CENPL: variants seen among roughly 807,000 people sequenced by gnomAD.
The protein encoded by CENPL is interphase centromere complex protein 33.
Under a neutral mutation model 35.2 loss-of-function variants are expected in CENPL, and 20 were observed. The observed-to-expected ratio is 0.57, with a 90% CI of 0.40 to 0.83. The LOEUF (loss-of-function observed/expected upper bound fraction) is 0.83. CENPL is among the 40% of genes least tolerant of loss of function. The probability of loss-of-function intolerance (pLI) is 0.00; values close to 1 mark genes in which losing one functional copy is unlikely to be tolerated. For synonymous variants in CENPL, 140 were observed against 140.6 expected (o/e 1.00, Z 0.03); for missense variants, 363 against 395.8 (o/e 0.92, Z 0.70).
chr1:173,801,736 C>T (rs1289816009), intron 5 of CENPL, among the ~76,000 whole-genome samples: 2 of 152,162 alleles, frequency 1.3e-5, no homozygotes, highest in South Asian at 2.1e-4. Flanking sequence ...AGGAGAATCA[C>T]TTAAACCCAG....
chr1:173,801,862 A>G (rs1649779385), intron 5 of CENPL, among the ~76,000 whole-genome samples: 1 of 151,786 alleles, frequency 6.6e-6, no homozygotes, highest in Non-Finnish European at 1.5e-5. Flanking sequence ...AAAAAAAGTA[A>G]AATTACAAAA....
rs556977966 is a variant in CENPL at position 173,821,882 on chromosome 1, T to C, written c.-8+2044A>G. 4 of 144,340 alleles carry C rather than the reference T, an allele frequency of 2.8e-5. No individual in the cohort carries two copies. The East Asian group carries it at 8.6e-4, about 31-fold the overall frequency. The allele number at this position is 144,340 out of a possible 1,614,324, so 8.9% of individuals were successfully genotyped here. Reference sequence around the variant, plus strand: ...CTGGAGTGCAGTGGCCTGATATCACTGCAGCCTCCACCTGCTGGGCTCAGG... The same window carrying C: ...CTGGAGTGCAGTGGCCTGATATCACCGCAGCCTCCACCTGCTGGGCTCAGG... On this transcript the variant is annotated intron_variant, in intron 2 of 5. Coordinates refer to ENST00000682279, the MANE Select transcript of CENPL (RefSeq NM_001387287.1).
intron 5 of CENPL, among the ~76,000 whole-genome samples, chr1:173,801,446 G>A (rs1168179527): frequency 5.3e-5 from 8 of 150,636 alleles, no homozygotes; most frequent in African/African-American, 7.3e-5. Flanking sequence ...CCCAGGAGGC[G>A]GAGGCTGCAG....
chr1:173,805,413 G>A (rs1049209495), intron 4 of CENPL, among the ~76,000 whole-genome samples: 33 of 151,928 alleles, frequency 2.2e-4, no homozygotes, highest in Middle Eastern at 3.4e-3. Context: ...TACTTGGGGG[G>A]CTGAGGAGGG....
At chr1:173,811,564 T>G (rs1046329356) in intron 2 of CENPL, among the ~76,000 whole-genome samples, 1 of 152,256 alleles carries the variant, frequency 6.6e-6, no homozygotes, top group African/African-American at 2.4e-5. Context: ...AAAAGCTAAC[T>G]GATCCATTTT....
At chr1:173,820,216 C>T (rs991254168) in intron 2 of CENPL, among the ~76,000 whole-genome samples, 1 of 152,094 alleles carries the variant, frequency 6.6e-6, no homozygotes, top group African/African-American at 2.4e-5. Flanking sequence ...AAAAGATTCA[C>T]GTTATGGGGC....
At position 173,824,010 on chromosome 1, in the gene CENPL, C is replaced by T. The variant is rs1652281815; in HGVS notation, c.-92G>A. ...GTCCGGCTCCAAAACTATGTGGAGA[C>T]TGAAATCCCCTGAAGAAAAAAAAAA... On this transcript the variant is annotated 5_prime_UTR_variant, in exon 2 of 6. Coordinates refer to ENST00000682279, the MANE Select transcript of CENPL (RefSeq NM_001387287.1). 6.7e-6 allele frequency: 1 copy of T among 149,322 alleles called. No individual in the cohort carries two copies. The allele number at this position is 149,322 out of a possible 1,614,324, so 9.2% of individuals were successfully genotyped here. A position where few individuals can be genotyped will look rare whatever the true frequency, so the allele number is the denominator to read the frequency against.
intron 2 of CENPL, chr1:173,823,282 T>C (rs1313350358): frequency 2.6e-5 from 4 of 152,206 alleles, no homozygotes; most frequent in South Asian, 2.1e-4. Context: ...TTTGATCTTA[T>C]TATCTGATCC....
chr1:173,808,449 C>T (rs1037552853), intron 3 of CENPL: 1 of 151,534 alleles, frequency 6.6e-6, no homozygotes, highest in African/African-American at 2.4e-5. Context: ...CTTTATGAAA[C>T]CATGCCCAAT....
intron 2 of CENPL, among the ~76,000 whole-genome samples, chr1:173,813,190 T>A (rs1031158288): frequency 2.6e-5 from 4 of 152,190 alleles, no homozygotes; most frequent in African/African-American, 9.7e-5. Context: ...ATACCAAATG[T>A]ACGTTTGATT....
In CENPL at chr1:173,800,467, G is replaced by A; in HGVS notation, c.1016C>T (p.Ala339Val). 6.8e-7 allele frequency: 1 copy of A among 1,466,494 alleles called. No homozygotes were observed. The highest frequency in any genetic ancestry group is 9.5e-7 in the Non-Finnish European group (1 of 1,047,646). 90.8% of individuals were successfully genotyped at this position (1,466,494 alleles called of 1,614,324 possible). A position where few individuals can be genotyped will look rare whatever the true frequency, so the allele number is the denominator to read the frequency against. Residue 339 changes from alanine (A) to valine (V), a missense_variant, in exon 6 of 6, where the codon GCA (alanine) becomes GTA (valine). By Grantham distance (64) the Ala-to-Val change is moderately conservative. Transcript: ENST00000682279. ...IGVLAYLTEL[A>V]IFQIE ...AAGGCTTCACTCAATTTGAAAAATT[G>A]CCAGTTCTGTCAAATATGCTAACAC...
intron 4 of CENPL, 112 bp downstream of exon 4, chr1:173,807,155 C>CTA (rs908847976): frequency 3.3e-5 from 28 of 857,938 alleles, no homozygotes; most frequent in East Asian, 2.3e-4. Context: ...CACAAACTAC[C>CTA]TATATATATA....
At chr1:173,805,561 A>C (rs1352649322) in intron 4 of CENPL, among the ~76,000 whole-genome samples, 1 of 151,986 alleles carries the variant, frequency 6.6e-6, no homozygotes, top group Non-Finnish European at 1.5e-5. Context: ...TACTCACTGA[A>C]AAAAAAGTCT....
intron 3 of CENPL, among the ~76,000 whole-genome samples, chr1:173,809,974 C>G (rs1410342768): frequency 6.6e-6 from 1 of 152,106 alleles, no homozygotes; most frequent in East Asian, 1.9e-4. Context: ...GACCTAGAGA[C>G]AGAAATATTA....
chr1:173,803,613 G>GA, intron 4 of CENPL, 108 bp from the exon 5 acceptor site: 1 of 978,084 alleles, frequency 1.0e-6, no homozygotes. Context: ...TGTAATACTT[G>GA]CAAAAAAAAA....
intron 4 of CENPL, among the ~76,000 whole-genome samples, 161 bp downstream of exon 4, chr1:173,807,105 AT>A (rs1157010097): frequency 6.6e-6 from 1 of 152,108 alleles, no homozygotes; most frequent in South Asian, 2.1e-4. Context: ...TGGTATTTTT[AT>A]GTATTTCCTC....
Position 173,811,171 on chromosome 1 carries a change from A to C in CENPL, c.129T>G (p.Thr43=). The change falls in exon 3 of 6, where the codon ACT becomes ACG. Residue 43 remains threonine, a synonymous_variant. Coordinates refer to ENST00000682279, the MANE Select transcript of CENPL (RefSeq NM_001387287.1). Reference sequence around the variant, plus strand: ...ACTGGGGAATTTTCCTTCGAGGTGGAGTCAGGATAAATGAACTCTGCTTCC... The same window carrying C: ...ACTGGGGAATTTTCCTTCGAGGTGGCGTCAGGATAAATGAACTCTGCTTCC... The part of the protein sequence containing the change: ...SVRKQSSFIL[T]PPRRKIPQCS... The C allele has an allele frequency of 1.2e-6, 2 of 1,613,862 alleles. No homozygotes were observed. Among genetic ancestry groups the C allele is most frequent in the South Asian group, 1.1e-5 (1 of 91,074 alleles).
At chr1:173,801,494 A>G (rs1356884627) in intron 5 of CENPL, among the ~76,000 whole-genome samples, 2 of 150,416 alleles carry the variant, frequency 1.3e-5, no homozygotes, top group Non-Finnish European at 3.0e-5. Flanking sequence ...AGTCTAGGCA[A>G]CAAAACAAGA....
chr1:173,815,636 G>A (rs1195684469), intron 2 of CENPL, among the ~76,000 whole-genome samples: 2 of 151,926 alleles, frequency 1.3e-5, no homozygotes, highest in African/African-American at 4.8e-5. Context: ...AAATTCAATA[G>A]GCCTTCATGC....
Sources: allele counts gnomAD v4.1 joint callset (sites outside exome capture counted in the v4.1 genomes callset), GRCh38; gene constraint gnomAD v4.1.1; transcripts MANE v1.5; gene names NCBI Gene and HGNC (gene_info 2026-07-23, HGNC 2026-07-21).